Variants in BRD3 observed in about 807,000 individuals in gnomAD.
The protein encoded by BRD3 is bromodomain containing 3.
BRD3 carries 17 observed loss-of-function variants against 66.8 expected under a neutral mutation model. The observed-to-expected ratio is 0.25, with a 90% CI of 0.17 to 0.38. The LOEUF is 0.38. BRD3 is among the 10% of genes least tolerant of loss of function. The probability of loss-of-function intolerance (pLI) is 1.00; values close to 1 mark genes in which losing one functional copy is unlikely to be tolerated. For missense variants in BRD3, 713 were observed against 956.1 expected (o/e 0.75, Z 3.35); for synonymous variants, 421 against 393.2 (o/e 1.07, Z -0.84).
Position 134,030,815 on chromosome 9 carries a change from G to C in BRD3, c.*2775C>G. ...GTCTGGAGTTCAGTTCACGCCCGAA[G>C]CCTGCCCCCTCGGCCTCCAGGGGTC... is the stretch of plus-strand genomic sequence containing the variant. On this transcript the variant is annotated 3_prime_UTR_variant, in exon 12 of 12. Transcript: ENST00000303407. 4.3e-6 allele frequency: 1 copy of C among 232,486 alleles called. No individual in the cohort carries two copies. 14.4% of individuals were successfully genotyped at this position (232,486 alleles called of 1,614,324 possible). A position where few individuals can be genotyped will look rare whatever the true frequency, so the allele number is the denominator to read the frequency against.
At chr9:134,066,035 T>C (rs1022017853) in intron 1 of BRD3, among the ~76,000 whole-genome samples, 8 of 152,194 alleles carry the variant, frequency 5.3e-5, no homozygotes, top group Non-Finnish European at 1.2e-4. Flanking sequence ...CGAGCTGTTG[T>C]CAAAGGAAAG....
Position 134,048,394 on chromosome 9 carries a change from T to C in BRD3, c.775A>G (p.Ser259Gly), listed in dbSNP as rs1161463096. 3.1e-6 allele frequency: 5 copies of C among 1,598,572 alleles called. No individual in the cohort carries two copies. Among genetic ancestry groups the C allele is most frequent in the East Asian group, 2.2e-5 (1 of 44,870 alleles). The change falls in exon 6 of 12, where the codon AGC becomes GGC. Residue 259 changes from serine (S) to glycine (G), a missense_variant. Ser to Gly is a moderately conservative substitution (Grantham distance 56). This residue lies in a region of BRD3 where 418 missense variants were observed against 609.3 expected (regional missense o/e 0.69). Transcript: ENST00000303407. ...AACGGCGGGGGCGACTCACTCCGGC[T>C]GGCAGTGATGGCCGACGTCGTGGGA... is the stretch of plus-strand genomic sequence containing the variant. ...TTPTTSAITA[S>G]RSESPPPLSD...
Position 134,033,393 on chromosome 9 carries a change from C to T in BRD3, c.*197G>A, listed in dbSNP as rs1564545682. 1 of 522,098 alleles carries T rather than the reference C, an allele frequency of 1.9e-6. No individual in the cohort carries two copies. The highest frequency in any genetic ancestry group is 3.4e-6 in the Non-Finnish European group (1 of 294,220). The allele number at this position is 522,098 out of a possible 1,614,324, so 32.3% of individuals were successfully genotyped here. A position where few individuals can be genotyped will look rare whatever the true frequency, so the allele number is the denominator to read the frequency against. On this transcript the variant is annotated 3_prime_UTR_variant, in exon 12 of 12. Transcript: ENST00000303407. This position sits in a 1 kb window ranked among gnomAD's most constrained non-coding sequence, Gnocchi z 5.1. ...AAGAAGAGACTTTCTGCAGAGTTCACACCTTCTCATCAAGTCTAACGCACA... is the reference window on the plus strand; with the variant it reads ...AAGAAGAGACTTTCTGCAGAGTTCATACCTTCTCATCAAGTCTAACGCACA...
chr9:134,045,171 G>A lies in BRD3; in HGVS notation c.1215+122C>T. ...TGGCACTCGGGAAAAAGGTGTTGAGGGAATGAGGCTCTCTAAGGCCTTCCT... is the reference window on the plus strand; with the variant it reads ...TGGCACTCGGGAAAAAGGTGTTGAGAGAATGAGGCTCTCTAAGGCCTTCCT... On this transcript the variant is annotated intron_variant, in intron 7 of 11. Coordinates refer to ENST00000303407, the MANE Select transcript of BRD3 (RefSeq NM_007371.4). The surrounding 1 kb of genome is among the most constrained non-coding windows in gnomAD (Gnocchi z 4.8). 1 of 1,358,848 alleles carries A rather than the reference G, an allele frequency of 7.4e-7. No individual in the cohort carries two copies. The highest frequency in any genetic ancestry group is 9.9e-7 in the Non-Finnish European group (1 of 1,008,930). The allele number at this position is 1,358,848 out of a possible 1,614,324, so 84.2% of individuals were successfully genotyped here.
intron 9 of BRD3, among the ~76,000 whole-genome samples, chr9:134,037,614 G>A (rs527785116): frequency 1.4e-4 from 21 of 152,016 alleles, no homozygotes; most frequent in African/African-American, 3.6e-4. Flanking sequence ...GTTTCAAGTC[G>A]GTAATCTAAT....
chr9:134,034,516 G>T, intron 11 of BRD3, 185 bp downstream of exon 11: 1 of 790,500 alleles, frequency 1.3e-6, no homozygotes, highest in African/African-American at 1.7e-5. Context: ...CTGCAGGGTT[G>T]GGGTATGACC....
At position 134,048,232 on chromosome 9, in the gene BRD3, G is replaced by A. The variant is rs1285430202; in HGVS notation, c.937C>T (p.Arg313Cys). The A allele has an allele frequency of 9.3e-6, 15 of 1,612,520 alleles. No homozygotes were observed. Among genetic ancestry groups the A allele is most frequent in the Admixed American group, 1.7e-5 (1 of 59,966 alleles). ...TCCCTGAGGATGCTGTCGCAGTAGCGTAGGTGCTCCGACAGCTTGCCCTTC... is the reference window on the plus strand; with the variant it reads ...TCCCTGAGGATGCTGTCGCAGTAGCATAGGTGCTCCGACAGCTTGCCCTTC... The part of the protein sequence containing the change: ...GKKGKLSEHL[R>C]YCDSILREML... The change falls in exon 6 of 12, where the codon CGC (arginine) becomes TGC (cysteine). Residue 313 changes from arginine (R) to cysteine (C), a missense_variant. Coordinates refer to ENST00000303407, the MANE Select transcript of BRD3 (RefSeq NM_007371.4).
chr9:134,036,625 G>A (rs775473878), intron 9 of BRD3: 2 of 1,507,908 alleles, frequency 1.3e-6, no homozygotes, highest in South Asian at 2.3e-5. Flanking sequence ...AGGCAAAAAA[G>A]GGGGAACAAA....
At chr9:134,038,049 G>A (rs1829964024) in intron 9 of BRD3, among the ~76,000 whole-genome samples, 2 of 152,174 alleles carry the variant, frequency 1.3e-5, no homozygotes, top group African/African-American at 2.4e-5. Context: ...CAAAACTCCA[G>A]GCCCAGATGG....
At chr9:134,066,873 G>A (rs12348775) in intron 1 of BRD3, among the ~76,000 whole-genome samples, 53,718 of 152,104 alleles carry the variant, frequency 0.35, 9,988 homozygotes, top group Middle Eastern at 0.52. Flanking sequence ...CAAGGATTGG[G>A]TCGAACGGAG....
chr9:134,041,987 T>C, intron 7 of BRD3, 36 bp from the exon 8 acceptor site: 3 of 1,519,696 alleles, frequency 2.0e-6, no homozygotes, highest in Non-Finnish European at 2.7e-6. Flanking sequence ...AAGACATGGG[T>C]GCCCATGGGG....
At position 134,031,982 on chromosome 9, in the gene BRD3, C is replaced by T. The variant is rs556420800; in HGVS notation, c.*1608G>A. 3.9e-4 allele frequency: 85 copies of T among 216,938 alleles called. No individual in the cohort carries two copies. Among genetic ancestry groups the T allele is most frequent in the Admixed American group, 6.4e-4 (11 of 17,240 alleles). 13.4% of individuals were successfully genotyped at this position (216,938 alleles called of 1,614,324 possible). ...GAATCCTCCTGGGGCCCAGAGACTCCTCCACCCCTGGGGAGGGCAGACAGG... is the reference window on the plus strand; with the variant it reads ...GAATCCTCCTGGGGCCCAGAGACTCTTCCACCCCTGGGGAGGGCAGACAGG... On this transcript the variant is annotated 3_prime_UTR_variant, in exon 12 of 12. Coordinates refer to ENST00000303407, the MANE Select transcript of BRD3 (RefSeq NM_007371.4).
At chr9:134,051,847 A>ATGTGTGTGTGTGTGTGTGTGTGTG (rs752502651) in intron 3 of BRD3, 138 bp from the exon 4 acceptor site, 1 of 508,064 alleles carries the variant, frequency 2.0e-6, no homozygotes, top group African/African-American at 3.3e-5. Flanking sequence ...AAATGAATAT[A>ATGTGTGTGTGTGTGTGTGTGTGTG]TGTGTGTGTG....
rs190224953 is a variant in BRD3, at chr9:134,045,153, C to T, written c.1215+140G>A. The T allele has an allele frequency of 1.8e-4, 224 of 1,255,572 alleles. No homozygotes were observed. Among genetic ancestry groups the T allele is most frequent in the Middle Eastern group, 5.3e-4 (2 of 3,790 alleles). 77.8% of individuals were successfully genotyped at this position (1,255,572 alleles called of 1,614,324 possible). ...GCCTGACAGGGACCTGGTTGGCACT[C>T]GGGAAAAAGGTGTTGAGGGAATGAG... On this transcript the variant is annotated intron_variant, in intron 7 of 11. Coordinates refer to ENST00000303407, the MANE Select transcript of BRD3 (RefSeq NM_007371.4). This position sits in a 1 kb window ranked among gnomAD's most constrained non-coding sequence, Gnocchi z 4.8.
chr9:134,055,993 A>G (rs942030252), intron 1 of BRD3: 7 of 152,476 alleles, frequency 4.6e-5, no homozygotes, highest in African/African-American at 1.7e-4. Flanking sequence ...GCCCAGCTCC[A>G]GCCATGGACA....
chr9:134,052,209 G>A (rs886311104), intron 3 of BRD3, 97 bp downstream of exon 3: 2 of 1,489,822 alleles, frequency 1.3e-6, no homozygotes, highest in Non-Finnish European at 1.8e-6. Flanking sequence ...AGCGCTTTGG[G>A]CCTGCCCAAG....
intron 1 of BRD3, among the ~76,000 whole-genome samples, chr9:134,063,402 T>C (rs1588304336): frequency 6.6e-6 from 1 of 152,194 alleles, no homozygotes; most frequent in Non-Finnish European, 1.5e-5. Flanking sequence ...TGGGGGCGGG[T>C]GGCACCCTGG....
At chr9:134,050,716 C>A (rs1436646182) in intron 4 of BRD3, 128 bp from the exon 5 acceptor site, 1 of 740,566 alleles carries the variant, frequency 1.4e-6, no homozygotes, top group Non-Finnish European at 2.2e-6. Context: ...GCCAGAAGAA[C>A]CCTCCATGCT....
rs1460234874 is a variant in BRD3 at position 134,051,674 on chromosome 9, T to C, written c.387A>G (p.Leu129=). 6.3e-7 allele frequency: 1 copy of C among 1,587,432 alleles called. No individual in the cohort carries two copies. The highest frequency in any genetic ancestry group is 1.4e-5 in the African/African-American group (1 of 72,702). ...CCACTTTTTGTAGAAAAATTTTCTCTAAAGCTTGGGCCATTAGCACTATGT... is the reference window on the plus strand; with the variant it reads ...CCACTTTTTGTAGAAAAATTTTCTCCAAAGCTTGGGCCATTAGCACTATGT... ...TDDIVLMAQA[L]EKIFLQKVAQ... The change falls in exon 4 of 12, where the codon TTA becomes TTG. Residue 129 remains leucine (L), a synonymous_variant. Coordinates refer to ENST00000303407, the MANE Select transcript of BRD3 (RefSeq NM_007371.4).
Sources: allele counts gnomAD v4.1 joint callset (sites outside exome capture counted in the v4.1 genomes callset), GRCh38; gene constraint gnomAD v4.1.1; regional missense constraint gnomAD v4.1.1; non-coding constraint Gnocchi (gnomAD v3.1); transcripts MANE v1.5; gene names NCBI Gene and HGNC (gene_info 2026-07-23, HGNC 2026-07-21).